The following ESPN variants were observed in gnomAD, a reference collection of about 807,000 sequenced individuals.
ESPN encodes the protein espin.
A neutral mutation model predicts 77.7 loss-of-function variants in ESPN; 68 were observed. The observed-to-expected ratio is 0.87, with a 90% CI of 0.72 to 1.07. The LOEUF (loss-of-function observed/expected upper bound fraction) is 1.07. Ranked by LOEUF, ESPN falls within the 50% of genes least tolerant of loss-of-function variation. ESPN has a pLI of 0.00. For synonymous variants in ESPN, 449 were observed against 567.1 expected, an observed-to-expected ratio of 0.79 and a Z score of 2.96; for missense variants, 1,060 against 1,239.0, an observed-to-expected ratio of 0.86 and a Z score of 2.17.
rs1250674562 is a variant in ESPN at position 6,440,614 on chromosome 1, C to T, written c.676-12C>T. On this transcript the variant is annotated splice_polypyrimidine_tract_variant and intron_variant, in intron 3 of 12. Transcript: ENST00000645284. ...CAGCCCCCGCCCCCCTCTCCCCGCC[C>T]GTCCCGCCCAGGTGAGCTGCACCGA... The T allele has an allele frequency of 2.1e-6, 3 of 1,433,752 alleles. No homozygotes were observed. Among genetic ancestry groups the T allele is most frequent in the Non-Finnish European group, 2.8e-6 (3 of 1,071,550 alleles). The allele number at this position is 1,433,752 out of a possible 1,614,324, so 88.8% of individuals were successfully genotyped here.
Position 6,460,276 on chromosome 1 carries a change from AC to A in ESPN, c.*135del. 1.7e-6 allele frequency: 2 copies of A among 1,177,254 alleles called. No individual in the cohort carries two copies. The highest frequency in any genetic ancestry group is 2.3e-6 in the Non-Finnish European group (2 of 851,122). 72.9% of individuals were successfully genotyped at this position (1,177,254 alleles called of 1,614,324 possible). A position where few individuals can be genotyped will look rare whatever the true frequency, so the allele number is the denominator to read the frequency against. On this transcript the variant is annotated 3_prime_UTR_variant, in exon 13 of 13. Coordinates refer to ENST00000645284, the MANE Select transcript of ESPN (RefSeq NM_031475.3). ...CCTCCTGCGCTGGAAACCCTCCCTG[AC>A]CCCCACCCTGGCCCCCCGTATCCCC... is the stretch of plus-strand genomic sequence containing the variant.
chr1:6,445,099 G>GCA lies in ESPN; in HGVS notation c.1192+430_1192+431dup, dbSNP rs896238206. 5.3e-5 allele frequency among the ~76,000 whole-genome samples: 8 copies of GCA among 151,520 alleles called. No individual in the cohort carries two copies. In the East Asian group the frequency reaches 5.8e-4, roughly 11 times the overall value. ...CTATTTCCATACTACAGATATGCAC[G>GCA]CACACACACACACATACACACCATG... On this transcript the variant is annotated intron_variant, in intron 6 of 12. Transcript: ENST00000645284.
chr1:6,440,252 A>C lies in ESPN; in HGVS notation c.489-2A>C. On this transcript the variant is annotated splice_acceptor_variant, in intron 2 of 12. Coordinates refer to ENST00000645284, the MANE Select transcript of ESPN (RefSeq NM_031475.3). LOFTEE classifies it high-confidence loss of function. Reference sequence around the variant, plus strand: ...CCCACGGTGGGCGCTGTGTCTCCGCAGGGGAGTGAATGCCCAAACCAAGAA... The same window carrying C: ...CCCACGGTGGGCGCTGTGTCTCCGCCGGGGAGTGAATGCCCAAACCAAGAA... 1 of 1,548,616 alleles carries C rather than the reference A, an allele frequency of 6.5e-7. No homozygotes were observed. Among genetic ancestry groups the C allele is most frequent in the Middle Eastern group, 2.0e-4 (1 of 5,032 alleles).
At chr1:6,461,177 C>T (rs1352977857), downstream of ESPN, 1 of 705,008 alleles carries the variant, frequency 1.4e-6, no homozygotes, top group Non-Finnish European at 2.6e-6. This position sits in a 1 kb window ranked among gnomAD's most constrained non-coding sequence, Gnocchi z 6.3. Context: ...TTTTCTTTCA[C>T]AGATTTAATA....
chr1:6,455,813 C>G lies in ESPN; in HGVS notation c.2326-1371C>G, dbSNP rs537954997. On this transcript the variant is annotated intron_variant, in intron 10 of 12. Transcript: ENST00000645284. The stretch of plus-strand genomic sequence containing the variant: ...TGGAGGAGGTGGAGGCCGGCCGGCG[C>G]GGCTGGAGCGACGGCTTCGAGGACC... 3.9e-3 allele frequency: 1,558 copies of G among 398,910 alleles called. 14 individuals carry two copies. The highest frequency in any genetic ancestry group is 0.03 in the African/African-American group (1,445 of 48,748). The allele number at this position is 398,910 out of a possible 1,614,324, so 24.7% of individuals were successfully genotyped here.
chr1:6,440,543 G>GA (rs1643589114), intron 3 of ESPN, 83 bp from the exon 4 acceptor site: 2 of 893,536 alleles, frequency 2.2e-6, no homozygotes, highest in Non-Finnish European at 3.0e-6. Flanking sequence ...GGGGGCGGGG[G>GA]CGGGCCACGG....
chr1:6,436,029 C>T (rs1433420843), intron 2 of ESPN, among the ~76,000 whole-genome samples: 1 of 152,248 alleles, frequency 6.6e-6, no homozygotes, highest in Non-Finnish European at 1.5e-5. Context: ...GGGGCCCTCC[C>T]TGCAGGTCCT....
At chr1:6,432,815 C>G (rs1643297958) in intron 2 of ESPN, among the ~76,000 whole-genome samples, 1 of 152,214 alleles carries the variant, frequency 6.6e-6, no homozygotes, top group Admixed American at 6.5e-5. Context: ...TCCATGTCCA[C>G]CCGCAGCCTT....
intron 8 of ESPN, among the ~76,000 whole-genome samples, chr1:6,449,781 CT>C (rs1220917398): frequency 6.6e-6 from 1 of 152,152 alleles, no homozygotes; most frequent in African/African-American, 2.4e-5. Flanking sequence ...TCCTGGGCTG[CT>C]TTTCTGTAGG....
intron 2 of ESPN, among the ~76,000 whole-genome samples, chr1:6,434,448 G>C (rs1044923844): frequency 6.6e-6 from 1 of 152,164 alleles, no homozygotes; most frequent in African/African-American, 2.4e-5. Flanking sequence ...TCCAGTAAAC[G>C]TCTGCTGAAT....
chr1:6,429,405 G>A (rs1320101411), intron 2 of ESPN, among the ~76,000 whole-genome samples: 1 of 152,150 alleles, frequency 6.6e-6, no homozygotes, highest in Non-Finnish European at 1.5e-5. Context: ...AGGGACCCTT[G>A]AGTAGAGGGT....
At chr1:6,432,607 C>A (rs1229298902) in intron 2 of ESPN, among the ~76,000 whole-genome samples, 3 of 152,208 alleles carry the variant, frequency 2.0e-5, no homozygotes, top group East Asian at 1.9e-4. Flanking sequence ...GAGCCTTGGA[C>A]CCTGGGGCTC....
chr1:6,461,025 A>G (rs1400106624), downstream of ESPN: 1 of 407,824 alleles, frequency 2.5e-6, no homozygotes, highest in Non-Finnish European at 5.0e-6. The surrounding 1 kb of genome is among the most constrained non-coding windows in gnomAD (Gnocchi z 6.3). Flanking sequence ...CTTGGGAGCT[A>G]AGGCCACACT....
rs138979381 is a variant in ESPN, at chr1:6,428,328, G to A, written c.397G>A (p.Ala133Thr). ...LLHHGGGDPTAATDMGALPIH... is the reference protein window; with the variant it reads ...LLHHGGGDPTTATDMGALPIH... ...GCATCATGGCGGTGGGGACCCCACCGCGGCCACAGACATGGGCGCCCTGCC... is the reference window on the plus strand; with the variant it reads ...GCATCATGGCGGTGGGGACCCCACCACGGCCACAGACATGGGCGCCCTGCC... Residue 133 changes from alanine to threonine, a missense_variant, in exon 2 of 13, where the codon GCG becomes ACG. Around this residue, in one of 3 missense-constraint regions of ESPN, gnomAD observed 556 missense variants for 633.6 expected, o/e 0.88. Coordinates refer to ENST00000645284, the MANE Select transcript of ESPN (RefSeq NM_031475.3). This position sits in a 1 kb window ranked among gnomAD's most constrained non-coding sequence, Gnocchi z 5.4. 2.0e-5 allele frequency: 32 copies of A among 1,612,868 alleles called. 1 individual carries two copies. Among genetic ancestry groups the A allele is most frequent in the South Asian group, 1.6e-4 (15 of 91,076 alleles).
At chr1:6,442,681 A>G (rs1327954961) in intron 5 of ESPN, among the ~76,000 whole-genome samples, 1 of 151,614 alleles carries the variant, frequency 6.6e-6, no homozygotes, top group Non-Finnish European at 1.5e-5. Context: ...CATTCTGGCC[A>G]ACATGGTGAA....
At chr1:6,429,411 A>AG (rs1643159222) in intron 2 of ESPN, among the ~76,000 whole-genome samples, 3 of 152,078 alleles carry the variant, frequency 2.0e-5, no homozygotes, top group Admixed American at 1.3e-4. Flanking sequence ...CCTTGAGTAG[A>AG]GGGTTCCAAC....
rs1444266461 is a variant in ESPN at position 6,437,763 on chromosome 1, TG to T, written c.489-2486del. On this transcript the variant is annotated intron_variant, in intron 2 of 12. Transcript: ENST00000645284. The surrounding 1 kb of genome is among the most constrained non-coding windows in gnomAD (Gnocchi z 4.5). The stretch of plus-strand genomic sequence containing the variant: ...GGAGAAATCAGTGAGTGGAGGTCCA[TG>T]GGGGCTGCAGACAGCCTTGGGGTCT... 1 of 152,098 alleles carries T rather than the reference TG, an allele frequency of 6.6e-6. No homozygotes were observed. The highest frequency in any genetic ancestry group is 1.5e-5 in the Non-Finnish European group (1 of 68,122). The allele number at this position is 152,098 out of a possible 1,614,324, so 9.4% of individuals were successfully genotyped here.
chr1:6,456,400 G>A lies in ESPN; in HGVS notation c.2326-784G>A, dbSNP rs551031003. 3.7e-4 allele frequency: 136 copies of A among 365,526 alleles called. 1 individual carries two copies. The South Asian group carries it at 0.019, about 50-fold the overall frequency. The allele number at this position is 365,526 out of a possible 1,614,324, so 22.6% of individuals were successfully genotyped here. On this transcript the variant is annotated intron_variant, in intron 10 of 12. Coordinates refer to ENST00000645284, the MANE Select transcript of ESPN (RefSeq NM_031475.3). ...GTGGGGCGTTGGTCGGATAGGCAGG[G>A]CAGGCACAGAACAGACCAGGTGTCC...
intron 12 of ESPN, among the ~76,000 whole-genome samples, chr1:6,459,406 AAAT>A (rs560682683): frequency 1.0e-3 from 159 of 152,304 alleles, no homozygotes; most frequent in Admixed American, 2.5e-3. Flanking sequence ...ACCCTGACTC[AAAT>A]AATAATAAAA....
Sources: allele counts gnomAD v4.1 joint callset (sites outside exome capture counted in the v4.1 genomes callset), GRCh38; gene constraint gnomAD v4.1.1; regional missense constraint gnomAD v4.1.1; non-coding constraint Gnocchi (gnomAD v3.1); transcripts MANE v1.5; gene names NCBI Gene and HGNC (gene_info 2026-07-23, HGNC 2026-07-21).